The following PPFIA4 variants were observed in gnomAD, a reference collection of about 807,000 sequenced individuals.
PPFIA4 encodes the protein liprin-alpha-4.
In PPFIA4, 98 loss-of-function variants were observed where a neutral mutation model predicts 145.7. The ratio of observed to expected loss-of-function variants is 0.67; its 90% CI spans 0.57 to 0.80. The LOEUF is 0.80. PPFIA4 is among the 30% of genes least tolerant of loss of function. The pLI is 0.00. For missense variants in PPFIA4, 1,457 were observed against 1,632.7 expected (o/e 0.89, Z 1.85); for synonymous variants, 628 against 649.6 (o/e 0.97, Z 0.51).
At chr1:203,033,823 A>G (rs1321997665) in intron 1 of PPFIA4, among the ~76,000 whole-genome samples, 14 of 152,148 alleles carry the variant, frequency 9.2e-5, no homozygotes, top group Non-Finnish European at 2.1e-4. Context: ...ACTAAAAATA[A>G]AAAAAATAAA....
Position 203,060,363 on chromosome 1 carries a change from C to T in PPFIA4, c.2730C>T (p.Ala910=), listed in dbSNP as rs1431020526. ...NALHRLKLRL[A]IQEMVSLTSP... ...TGCACCGGCTCAAGCTCCGCCTGGCCATTCAGGAGATGGTGTCATTGACCA... is the reference window on the plus strand; with the variant it reads ...TGCACCGGCTCAAGCTCCGCCTGGCTATTCAGGAGATGGTGTCATTGACCA... The change falls in exon 22 of 30, where the codon GCC becomes GCT. Residue 910 remains alanine, a synonymous_variant. Transcript: ENST00000295706. This position sits in a 1 kb window ranked among gnomAD's most constrained non-coding sequence, Gnocchi z 4.8. 1.2e-6 allele frequency: 2 copies of T among 1,613,906 alleles called. No homozygotes were observed. Among genetic ancestry groups the T allele is most frequent in the South Asian group, 1.1e-5 (1 of 91,088 alleles).
Position 203,076,641 on chromosome 1 carries a change from G to C in PPFIA4, c.*251G>C, listed in dbSNP as rs1236935788. 5.4e-6 allele frequency: 3 copies of C among 554,896 alleles called. No individual in the cohort carries two copies. In the African/African-American group the frequency reaches 5.7e-5, roughly 11 times the overall value. 34.4% of individuals were successfully genotyped at this position (554,896 alleles called of 1,614,324 possible). A position where few individuals can be genotyped will look rare whatever the true frequency, so the allele number is the denominator to read the frequency against. ...TTGTGGAGGCACCCAGGTTGTCCAT[G>C]CTTGGGATTCTGGGGGAAGGAGAGA... On this transcript the variant is annotated 3_prime_UTR_variant, in exon 30 of 30. Coordinates refer to ENST00000295706, the MANE Select transcript of PPFIA4 (RefSeq NM_001304331.2).
chr1:203,057,656 G>A (rs891820124), intron 19 of PPFIA4, among the ~76,000 whole-genome samples: 4 of 152,304 alleles, frequency 2.6e-5, no homozygotes, highest in Admixed American at 2.6e-4. Context: ...AGTAACAGGT[G>A]CTGACCAACA....
Position 203,048,493 on chromosome 1 carries a change from A to G in PPFIA4, c.1225-90A>G, listed in dbSNP as rs1660246024. ...TGGAGAGAGTGGCTCCCAGAGGATG[A>G]GAAGAGGACAGGGGAGGGAGTCAAA... On this transcript the variant is annotated intron_variant, in intron 10 of 29. Coordinates refer to ENST00000295706, the MANE Select transcript of PPFIA4 (RefSeq NM_001304331.2). The surrounding 1 kb of genome is among the most constrained non-coding windows in gnomAD (Gnocchi z 5.8). 6.5e-7 allele frequency: 1 copy of G among 1,530,482 alleles called. No homozygotes were observed. The highest frequency in any genetic ancestry group is 2.5e-5 in the East Asian group (1 of 40,736). The allele number at this position is 1,530,482 out of a possible 1,614,324, so 94.8% of individuals were successfully genotyped here. A position where few individuals can be genotyped will look rare whatever the true frequency, so the allele number is the denominator to read the frequency against.
chr1:203,069,164 T>G lies in PPFIA4; in HGVS notation c.3324+536T>G, dbSNP rs980944730. Among the ~76,000 whole-genome samples the G allele has an allele frequency of 2.6e-5, 4 of 152,354 alleles. No homozygotes were observed. In the South Asian group the frequency reaches 8.3e-4, roughly 32 times the overall value. ...GCTCTCTGTCAACAGCTCAAATGAT[T>G]AAACATCTCATGAAATTACATTTCA... On this transcript the variant is annotated intron_variant, in intron 27 of 29. Transcript: ENST00000295706.
At chr1:203,052,054 C>CCCCG (rs1553257087) in intron 14 of PPFIA4, among the ~76,000 whole-genome samples, 177 bp downstream of exon 14, 4 of 104,122 alleles carry the variant, frequency 3.8e-5, no homozygotes, top group South Asian at 2.8e-4. Context: ...TGCCCCCCCC[C>CCCCG]CCGCTTGCCT....
At chr1:203,047,332 C>G (rs1660157406) in intron 9 of PPFIA4, among the ~76,000 whole-genome samples, 1 of 152,140 alleles carries the variant, frequency 6.6e-6, no homozygotes, top group Non-Finnish European at 1.5e-5. Flanking sequence ...ACGGGATGGT[C>G]TCGGAGGTCT....
At position 203,055,356 on chromosome 1, in the gene PPFIA4, C is replaced by T. The variant is rs1373160554; in HGVS notation, c.1830-76C>T. 5.0e-6 allele frequency: 8 copies of T among 1,585,806 alleles called. No individual in the cohort carries two copies. The African/African-American group carries it at 1.1e-4, about 21-fold the overall frequency. ...CGCATGTGGTCCTTGGTGGCGAGTG[C>T]AGGCATCGACCCGCACTGCCTCCTG... On this transcript the variant is annotated intron_variant, in intron 15 of 29. Coordinates refer to ENST00000295706, the MANE Select transcript of PPFIA4 (RefSeq NM_001304331.2). This position sits in a 1 kb window ranked among gnomAD's most constrained non-coding sequence, Gnocchi z 4.8.
intron 25 of PPFIA4, 35 bp from the exon 26 acceptor site, chr1:203,067,660 A>G: frequency 6.3e-7 from 1 of 1,589,268 alleles, no homozygotes; most frequent in Admixed American, 1.7e-5. Flanking sequence ...ATGTGGCCCC[A>G]CTGAGGCTCT....
In PPFIA4 at chr1:203,056,421, A is replaced by G. The variant is rs751187908; in HGVS notation, c.2153A>G (p.Lys718Arg). Residue 718 changes from lysine to arginine, a missense_variant, in exon 18 of 30, where the codon AAA (lysine) becomes AGA (arginine). Coordinates refer to ENST00000295706, the MANE Select transcript of PPFIA4 (RefSeq NM_001304331.2). ...EENREDKATIKCETSPPSSPR... is the reference protein window; with the variant it reads ...EENREDKATIRCETSPPSSPR... ...AACCGAGAGGATAAAGCCACCATAA[A>G]ATGTGAGACTTCTCCTCCTTCCTCA... is the stretch of plus-strand genomic sequence containing the variant. 1.2e-6 allele frequency: 2 copies of G among 1,613,930 alleles called. No homozygotes were observed. Among genetic ancestry groups the G allele is most frequent in the African/African-American group, 2.7e-5 (2 of 75,008 alleles).
chr1:203,036,108 C>T (rs565506826), intron 1 of PPFIA4, among the ~76,000 whole-genome samples: 2 of 152,336 alleles, frequency 1.3e-5, no homozygotes, highest in Admixed American at 6.5e-5. Flanking sequence ...AGAACTTCTC[C>T]AGCCCCTTTC....
chr1:203,059,981 C>T, intron 21 of PPFIA4, 130 bp downstream of exon 21: 1 of 835,464 alleles, frequency 1.2e-6, no homozygotes, highest in Non-Finnish European at 2.0e-6. Flanking sequence ...CCATACCTAG[C>T]ATTTAGCCCC....
At chr1:203,029,411 C>T (rs1021251983) in intron 1 of PPFIA4, among the ~76,000 whole-genome samples, 1 of 152,342 alleles carries the variant, frequency 6.6e-6, no homozygotes, top group East Asian at 1.9e-4. Context: ...TCAAACTCCA[C>T]GTGGTGCTCA....
In PPFIA4 at chr1:203,043,192, A is replaced by C. The variant is rs775592245; in HGVS notation, c.235-205A>C. 2.6e-5 allele frequency among the ~76,000 whole-genome samples: 4 copies of C among 152,182 alleles called. No homozygotes were observed. Among genetic ancestry groups the C allele is most frequent in the Non-Finnish European group, 5.9e-5 (4 of 68,032 alleles). Reference sequence around the variant, plus strand: ...CCTTGGATTCTAACACATGGAATGCATGGAGGACCCAGAGATGTGGACCCC... The same window carrying C: ...CCTTGGATTCTAACACATGGAATGCCTGGAGGACCCAGAGATGTGGACCCC... On this transcript the variant is annotated intron_variant, in intron 2 of 29. Coordinates refer to ENST00000295706, the MANE Select transcript of PPFIA4 (RefSeq NM_001304331.2). The surrounding 1 kb of genome is among the most constrained non-coding windows in gnomAD (Gnocchi z 4.4).
At chr1:203,046,180 G>A in intron 8 of PPFIA4, 68 bp from the exon 9 acceptor site, 1 of 1,544,514 alleles carries the variant, frequency 6.5e-7, no homozygotes, top group South Asian at 1.2e-5. Context: ...GCTCTCTGCT[G>A]AGGCTGGGGT....
intron 1 of PPFIA4, among the ~76,000 whole-genome samples, chr1:203,029,296 G>GT (rs1658655841): frequency 6.6e-6 from 1 of 152,230 alleles, no homozygotes; most frequent in South Asian, 2.1e-4. Flanking sequence ...CAGCTGTAGC[G>GT]TGGAATAGCC....
Position 203,046,661 on chromosome 1 carries a change from CTT to C in PPFIA4, c.1140+293_1140+294del, listed in dbSNP as rs34854303. Among the ~76,000 whole-genome samples, 37 of 144,514 alleles carry C rather than the reference CTT, an allele frequency of 2.6e-4. 1 individual carries two copies. The highest frequency in any genetic ancestry group is 2.0e-3 in the Admixed American group (29 of 14,626). The allele number at this position is 144,514 out of a possible 152,430, so 94.8% of individuals were successfully genotyped here. On this transcript the variant is annotated intron_variant, in intron 9 of 29. Coordinates refer to ENST00000295706, the MANE Select transcript of PPFIA4 (RefSeq NM_001304331.2). ...GTTGATGCAAAGTGTTTTTCTTTTTCTTTTTTTTTTTTTTTAATCCTCTACAC... is the reference window on the plus strand; with the variant it reads ...GTTGATGCAAAGTGTTTTTCTTTTTCTTTTTTTTTTTTTAATCCTCTACAC...
intron 28 of PPFIA4, among the ~76,000 whole-genome samples, chr1:203,073,181 A>T (rs986809854): frequency 1.3e-5 from 2 of 152,238 alleles, no homozygotes; most frequent in South Asian, 2.1e-4. Context: ...TGATCACCAC[A>T]TGAGATAGGT....
At chr1:203,049,853 C>T (rs1428474622) in intron 13 of PPFIA4, 86 bp downstream of exon 13, 2 of 1,206,840 alleles carry the variant, frequency 1.7e-6, no homozygotes, top group East Asian at 6.0e-5. Flanking sequence ...AAAAGACTGC[C>T]CAGGACCTCA....
Sources: allele counts gnomAD v4.1 joint callset (sites outside exome capture counted in the v4.1 genomes callset), GRCh38; gene constraint gnomAD v4.1.1; non-coding constraint Gnocchi (gnomAD v3.1); transcripts MANE v1.5; gene names NCBI Gene and HGNC (gene_info 2026-07-23, HGNC 2026-07-21).